NBPF15: variants seen among roughly 807,000 people sequenced by gnomAD.
The protein encoded by NBPF15 is NBPF family member NBPF15.
Under a neutral mutation model 62.2 loss-of-function variants are expected in NBPF15, and 74 were observed. That is an observed-to-expected ratio of 1.19 (90% CI 0.99 to 1.44). The LOEUF is 1.44. Ranked by LOEUF, NBPF15 falls within the 40% of genes most tolerant of loss-of-function variation. NBPF15 has a pLI of 0.00. For missense variants in NBPF15, 790 were observed against 550.0 expected, an observed-to-expected ratio of 1.44 and a Z score of -4.36; for synonymous variants, 244 against 209.7, an observed-to-expected ratio of 1.16 and a Z score of -1.41.
At chr1:144,442,173 TATATATA>T (rs1275842744) in intron 6 of NBPF15, among the ~76,000 whole-genome samples, 6 of 111,310 alleles carry the variant, frequency 5.4e-5, no homozygotes, top group East Asian at 2.3e-4. Flanking sequence ...TATATATATA[TATATATA>T]ATATATATAC....
At position 144,422,720 on chromosome 1, in the gene NBPF15, C is replaced by T. The variant is rs1571098616; in HGVS notation, c.*293G>A. 1.0e-5 allele frequency: 6 copies of T among 588,156 alleles called. No individual in the cohort carries two copies. The highest frequency in any genetic ancestry group is 8.3e-5 in the South Asian group (4 of 47,946). The allele number at this position is 588,156 out of a possible 1,614,324, so 36.4% of individuals were successfully genotyped here. A position where few individuals can be genotyped will look rare whatever the true frequency, so the allele number is the denominator to read the frequency against. ...CAGAGACATGCCTGCAAAATGAAAT[C>T]CCTGAGGAATTTTGTAGCTACCCAG... On this transcript the variant is annotated 3_prime_UTR_variant, in exon 22 of 22. Transcript: ENST00000581897.
At chr1:144,458,074 G>A (rs1425589316) in intron 3 of NBPF15, among the ~76,000 whole-genome samples, 4 of 151,114 alleles carry the variant, frequency 2.6e-5, no homozygotes, top group South Asian at 2.1e-4. Flanking sequence ...GCAACAGAGC[G>A]AGACACTGTC....
chr1:144,423,453 C>G (rs77879289), intron 21 of NBPF15, among the ~76,000 whole-genome samples, 197 bp from the exon 22 acceptor site: 1 of 151,076 alleles, frequency 6.6e-6, no homozygotes, highest in Non-Finnish European at 1.5e-5. Flanking sequence ...AAGAGAAAGA[C>G]AGAGAGAGAG....
chr1:144,423,013 T>C lies in NBPF15; in HGVS notation c.2013A>G (p.Ter671=). ...VFQMGVIFPQ[*] ...CATCTCTCGGCTTAGTAAGAGCTGC[T>C]TATTGTGGGAATATGACTCCCATCT... The change falls in exon 22 of 22, where the codon TAA becomes TAG. Residue 671 remains the stop codon, a stop_retained_variant. Coordinates refer to ENST00000581897, the MANE Select transcript of NBPF15 (RefSeq NM_001385408.1). The C allele has an allele frequency of 1.2e-6, 2 of 1,611,656 alleles. No individual in the cohort carries two copies.
chr1:144,446,231 T>C (rs1553544022), intron 6 of NBPF15, among the ~76,000 whole-genome samples: 1 of 150,808 alleles, frequency 6.6e-6, no homozygotes, highest in East Asian at 1.9e-4. Flanking sequence ...ATTTTCCAAA[T>C]GCTCATTGCT....
At chr1:144,438,304 G>A (rs1218466410) in intron 8 of NBPF15, among the ~76,000 whole-genome samples, 2 of 150,700 alleles carry the variant, frequency 1.3e-5, no homozygotes, top group African/African-American at 2.5e-5. Flanking sequence ...CAACAAAGTG[G>A]AGTCAGAATT....
chr1:144,448,064 C>T (rs1688832235), intron 6 of NBPF15, among the ~76,000 whole-genome samples: 2 of 152,052 alleles, frequency 1.3e-5, no homozygotes, highest in South Asian at 4.1e-4. Flanking sequence ...TTTCAATAAA[C>T]CTGCCTGAAT....
At chr1:144,442,992 G>C (rs1314093031) in intron 6 of NBPF15, 6 of 203,122 alleles carry the variant, frequency 3.0e-5, no homozygotes, top group Non-Finnish European at 6.7e-5. Flanking sequence ...CCCACCTTCA[G>C]CGTTCCCAGT....
At chr1:144,451,061 C>T (rs1690784726) in intron 4 of NBPF15, among the ~76,000 whole-genome samples, 191 bp from the exon 5 acceptor site, 1 of 151,912 alleles carries the variant, frequency 6.6e-6, no homozygotes, top group African/African-American at 2.4e-5. Flanking sequence ...CTCTGAGTTC[C>T]CTTAGTATTT....
At position 144,422,925 on chromosome 1, in the gene NBPF15, C is replaced by A. The variant is rs1324515196; in HGVS notation, c.*88G>T. On this transcript the variant is annotated 3_prime_UTR_variant, in exon 22 of 22. Transcript: ENST00000581897. ...ACTGACCCATCCTATGTCTGGGCTTCCAAATGGAACTGTACTTTCATTCAA... is the reference window on the plus strand; with the variant it reads ...ACTGACCCATCCTATGTCTGGGCTTACAAATGGAACTGTACTTTCATTCAA... 91 of 1,610,954 alleles carry A rather than the reference C, an allele frequency of 5.6e-5. No homozygotes were observed. The highest frequency in any genetic ancestry group is 1.3e-5 in the African/African-American group (1 of 74,752).
At chr1:144,426,576 A>T (rs1441571063) in intron 17 of NBPF15, 126 bp from the exon 18 acceptor site, 19 of 714,986 alleles carry the variant, frequency 2.7e-5, no homozygotes, top group Non-Finnish European at 4.2e-5. Context: ...TTAATGAGGT[A>T]ATGAATTATT....
Position 144,429,764 on chromosome 1 carries a change from C to A in NBPF15, c.924G>T (p.Gln308His), listed in dbSNP as rs1672832082. 1 of 694,044 alleles carries A rather than the reference C, an allele frequency of 1.4e-6. No homozygotes were observed. Among genetic ancestry groups the A allele is most frequent in the African/African-American group, 2.1e-5 (1 of 48,088 alleles). The allele number at this position is 694,044 out of a possible 1,614,324, so 43.0% of individuals were successfully genotyped here. A position where few individuals can be genotyped will look rare whatever the true frequency, so the allele number is the denominator to read the frequency against. The change falls in exon 14 of 22, where the codon CAG becomes CAT. Residue 308 changes from glutamine (Q) to histidine (H), a missense_variant. Coordinates refer to ENST00000581897, the MANE Select transcript of NBPF15 (RefSeq NM_001385408.1). ...ATGAGTGAAATGTGCTGCTGTAAGA[C>A]TGGTACGAGGCCAACATTTCAGGAG... ...SIPPEMLASY[Q>H]SYSSTFHSLE...
intron 12 of NBPF15, among the ~76,000 whole-genome samples, chr1:144,434,616 G>T (rs1271872550): frequency 2.0e-5 from 3 of 150,452 alleles, no homozygotes; most frequent in Non-Finnish European, 4.4e-5. Flanking sequence ...TATCAGCAAA[G>T]TAAAGAAGAA....
chr1:144,455,620 C>T (rs1434398490), intron 4 of NBPF15, among the ~76,000 whole-genome samples: 3 of 152,034 alleles, frequency 2.0e-5, no homozygotes, highest in Non-Finnish European at 2.9e-5. Context: ...AGCTTCCCAG[C>T]TGCAGGTGGG....
At chr1:144,438,566 A>T (rs372874059) in intron 8 of NBPF15, among the ~76,000 whole-genome samples, 2 of 151,930 alleles carry the variant, frequency 1.3e-5, no homozygotes, top group Non-Finnish European at 2.9e-5. Context: ...AAGCATAAAG[A>T]GTGACACATA....
intron 4 of NBPF15, among the ~76,000 whole-genome samples, chr1:144,455,494 C>T (rs1693906599): frequency 6.6e-6 from 1 of 151,956 alleles, no homozygotes; most frequent in African/African-American, 2.4e-5. Context: ...CCACTGTTGC[C>T]AGAGACACTG....
Position 144,422,719 on chromosome 1 carries a change from T to C in NBPF15, c.*294A>G. 1.7e-6 allele frequency: 1 copy of C among 586,110 alleles called. No homozygotes were observed. The highest frequency in any genetic ancestry group is 2.9e-6 in the Non-Finnish European group (1 of 341,292). The allele number at this position is 586,110 out of a possible 1,614,324, so 36.3% of individuals were successfully genotyped here. The stretch of plus-strand genomic sequence containing the variant: ...TCAGAGACATGCCTGCAAAATGAAA[T>C]CCCTGAGGAATTTTGTAGCTACCCA... On this transcript the variant is annotated 3_prime_UTR_variant, in exon 22 of 22. Coordinates refer to ENST00000581897, the MANE Select transcript of NBPF15 (RefSeq NM_001385408.1).
intron 13 of NBPF15, among the ~76,000 whole-genome samples, chr1:144,433,174 A>T: frequency 6.6e-6 from 1 of 152,188 alleles, no homozygotes; most frequent in Middle Eastern, 3.4e-3. Flanking sequence ...ACTACATGGA[A>T]ACTCAACAAC....
chr1:144,448,371 A>G (rs1200473051), intron 6 of NBPF15, among the ~76,000 whole-genome samples: 1 of 151,954 alleles, frequency 6.6e-6, no homozygotes, highest in African/African-American at 2.4e-5. Flanking sequence ...TTCAGATAAG[A>G]CACTCTTGGG....
Sources: gnomAD v4.1 joint callset for allele counts (sites outside exome capture counted in the v4.1 genomes callset) on GRCh38, gnomAD v4.1.1 for gene constraint, MANE v1.5 for transcripts, NCBI Gene and HGNC (gene_info 2026-07-23, HGNC 2026-07-21) for gene names.